Variants in MEGF10 observed in about 807,000 individuals in gnomAD.
MEGF10 encodes multiple EGF like domains 10.
In MEGF10, 86 loss-of-function variants were observed where a neutral mutation model predicts 147.5. The ratio of observed to expected loss-of-function variants is 0.58; its 90% CI spans 0.49 to 0.70. The LOEUF is 0.70. Ranked by LOEUF, MEGF10 falls within the 30% of genes least tolerant of loss-of-function variation. MEGF10 has a pLI of 0.00. For synonymous variants in MEGF10, 478 were observed against 525.5 expected, an observed-to-expected ratio of 0.91 and a Z score of 1.24; for missense variants, 1,329 against 1,487.3, an observed-to-expected ratio of 0.89 and a Z score of 1.75.
Position 127,449,214 on chromosome 5 carries a change from A to G in MEGF10, c.2972A>G (p.Asn991Ser), listed in dbSNP as rs756511139. ...PADWKHGGYL[N>S]ELGAFGLDRS... The stretch of plus-strand genomic sequence containing the variant: ...GACTGGAAACATGGCGGCTACCTCA[A>G]CGAGCTCGGTGAGTTCTCCCAACGC... The change falls in exon 22 of 25, where the codon AAC becomes AGC. Residue 991 changes from asparagine (N) to serine (S), a missense_variant. Coordinates refer to ENST00000503335, the MANE Select transcript of MEGF10 (RefSeq NM_001256545.2). 2.5e-5 allele frequency: 41 copies of G among 1,613,220 alleles called. No homozygotes were observed. The highest frequency in any genetic ancestry group is 3.0e-5 in the Non-Finnish European group (35 of 1,179,650).
At chr5:127,433,686 T>C (rs1286628191) in intron 14 of MEGF10, among the ~76,000 whole-genome samples, 177 bp downstream of exon 14, 1 of 152,250 alleles carries the variant, frequency 6.6e-6, no homozygotes, top group African/African-American at 2.4e-5. Flanking sequence ...AGCTTCATTC[T>C]TTCCAGCCTT....
the MEGF10 span, among the ~76,000 whole-genome samples, chr5:127,259,487 G>T: frequency 1.3e-5 from 2 of 152,106 alleles, no homozygotes; most frequent in Non-Finnish European, 2.9e-5. Context: ...TGTGGAATTT[G>T]CTGTGACCTA....
intron 4 of MEGF10, among the ~76,000 whole-genome samples, chr5:127,347,998 T>A (rs1761955262): frequency 1.3e-5 from 2 of 152,214 alleles, no homozygotes; most frequent in Non-Finnish European, 2.9e-5. Flanking sequence ...TAACTGAAAG[T>A]GATGGTTCTG....
intron 13 of MEGF10, among the ~76,000 whole-genome samples, chr5:127,425,728 G>T (rs1765188816): frequency 6.6e-6 from 1 of 152,046 alleles, no homozygotes; most frequent in Non-Finnish European, 1.5e-5. Context: ...ATTGTTTAGG[G>T]TTAGTACCCT....
the MEGF10 span, among the ~76,000 whole-genome samples, chr5:127,234,935 C>T: frequency 6.6e-6 from 1 of 152,084 alleles, no homozygotes; most frequent in African/African-American, 2.4e-5. Flanking sequence ...CCTCCACCTC[C>T]CTGGTTCAAG....
intron 3 of MEGF10, among the ~76,000 whole-genome samples, 196 bp downstream of exon 3, chr5:127,339,417 C>T (rs368683282): frequency 6.6e-6 from 1 of 152,142 alleles, no homozygotes; most frequent in African/African-American, 2.4e-5. Context: ...AAGGAGCTTA[C>T]AGCCTAACTG....
In MEGF10 at chr5:127,357,904, T is replaced by C. The variant is rs570222235; in HGVS notation, c.320-12006T>C. Among the ~76,000 whole-genome samples the C allele has an allele frequency of 4.5e-4, 68 of 152,326 alleles. 1 individual carries two copies. Among genetic ancestry groups the C allele is most frequent in the Admixed American group, 2.5e-3 (39 of 15,298 alleles). ...AGAAACTGAAGGAAAGCATCCCACT[T>C]TGGATGAGCAAGTGCTCCCTGAATT... is the stretch of plus-strand genomic sequence containing the variant. On this transcript the variant is annotated intron_variant, in intron 4 of 24. Coordinates refer to ENST00000503335, the MANE Select transcript of MEGF10 (RefSeq NM_001256545.2).
chr5:127,245,812 C>T, the MEGF10 span, among the ~76,000 whole-genome samples: 1 of 152,092 alleles, frequency 6.6e-6, no homozygotes, highest in East Asian at 1.9e-4. Flanking sequence ...ACAGATACAT[C>T]TCAAAAGAAG....
Position 127,340,726 on chromosome 5 carries a change from G to T in MEGF10, c.319+96G>T, listed in dbSNP as rs1761648463. 4.2e-6 allele frequency: 4 copies of T among 949,604 alleles called. No homozygotes were observed. The Admixed American group carries it at 5.7e-5, about 13-fold the overall frequency. 58.8% of individuals were successfully genotyped at this position (949,604 alleles called of 1,614,324 possible). The stretch of plus-strand genomic sequence containing the variant: ...GCTGAGACAGAGGTCTGGGGAGATG[G>T]GTGTCTTGGAACATTCCTTTTCCCT... On this transcript the variant is annotated intron_variant, in intron 4 of 24. Transcript: ENST00000503335.
rs370275031 is a variant in MEGF10 at position 127,422,795 on chromosome 5, T to A, written c.1693+23T>A. On this transcript the variant is annotated intron_variant, in intron 13 of 24. Coordinates refer to ENST00000503335, the MANE Select transcript of MEGF10 (RefSeq NM_001256545.2). ...CAGGTGAGAGCCAAGGACCGCTAAT[T>A]GAAAGGTGAAACCCGCCAATTTAAC... 3.5e-5 allele frequency: 55 copies of A among 1,581,134 alleles called. No individual in the cohort carries two copies. The African/African-American group carries it at 6.9e-4, about 20-fold the overall frequency.
chr5:127,369,959 C>A lies in MEGF10; in HGVS notation c.369C>A (p.Thr123=). Residue 123 remains threonine (T), a synonymous_variant, in exon 5 of 25, where the codon ACC becomes ACA. Transcript: ENST00000503335. ...ATGGTCGCTGTATTGCTCCAAACACCTGTCAGTGTGAGCCTGGCTGGGGAG... is the reference window on the plus strand; with the variant it reads ...ATGGTCGCTGTATTGCTCCAAACACATGTCAGTGTGAGCCTGGCTGGGGAG... ...CVHGRCIAPN[T]CQCEPGWGGT... is the part of the protein sequence containing the mutation. 8 of 1,613,484 alleles carry A rather than the reference C, an allele frequency of 5.0e-6. No individual in the cohort carries two copies. The highest frequency in any genetic ancestry group is 6.8e-6 in the Non-Finnish European group (8 of 1,179,632).
the MEGF10 span, among the ~76,000 whole-genome samples, chr5:127,247,039 T>C: frequency 6.1e-4 from 70 of 114,234 alleles, 1 homozygote; most frequent in East Asian, 0.017. Context: ...ATGAATGACC[T>C]AAAGTTCCCT....
At chr5:127,422,459 A>G (rs1001579111) in intron 12 of MEGF10, among the ~76,000 whole-genome samples, 1 of 152,142 alleles carries the variant, frequency 6.6e-6, no homozygotes, top group Non-Finnish European at 1.5e-5. Context: ...GGTTGCGCTG[A>G]GCTGAAATCA....
chr5:127,366,908 C>A (rs1014870387), intron 4 of MEGF10, among the ~76,000 whole-genome samples: 1 of 152,162 alleles, frequency 6.6e-6, no homozygotes, highest in South Asian at 2.1e-4. Flanking sequence ...CAACAAAAAA[C>A]CAATGGATTG....
intron 23 of MEGF10, 59 bp from the exon 24 acceptor site, chr5:127,455,342 C>A: frequency 1.4e-6 from 2 of 1,390,892 alleles, no homozygotes; most frequent in Non-Finnish European, 1.0e-6. Context: ...AAAATATCAC[C>A]AAGAAATGAT....
the MEGF10 span, among the ~76,000 whole-genome samples, chr5:127,252,214 CTATT>C: frequency 6.6e-6 from 1 of 151,532 alleles, no homozygotes; most frequent in Non-Finnish European, 1.5e-5. Flanking sequence ...TTTTTACTAT[CTATT>C]AAGATTAAAA....
chr5:127,422,220 G>A (rs1318714744), intron 12 of MEGF10, among the ~76,000 whole-genome samples: 2 of 152,106 alleles, frequency 1.3e-5, no homozygotes, highest in Non-Finnish European at 1.5e-5. Flanking sequence ...AGAAAGAGGT[G>A]ATTAAGATGC....
chr5:127,392,738 G>A (rs1487816899), intron 5 of MEGF10, among the ~76,000 whole-genome samples: 2 of 152,208 alleles, frequency 1.3e-5, no homozygotes, highest in African/African-American at 2.4e-5. Context: ...GTTCCAATGT[G>A]AGTCTATTGT....
At chr5:127,439,354 C>T (rs1354489271) in intron 17 of MEGF10, among the ~76,000 whole-genome samples, 1 of 152,196 alleles carries the variant, frequency 6.6e-6, no homozygotes, top group South Asian at 2.1e-4. Flanking sequence ...CTAATAATAG[C>T]GTATATTTTA....
Sources: allele counts gnomAD v4.1 joint callset (sites outside exome capture counted in the v4.1 genomes callset), GRCh38; gene constraint gnomAD v4.1.1; transcripts MANE v1.5; gene names NCBI Gene and HGNC (gene_info 2026-07-23, HGNC 2026-07-21).